Variants in WWP1 observed in about 807,000 individuals in gnomAD.
WWP1 encodes the protein WW domain containing E3 ubiquitin protein ligase 1, also known as NEDD4-like E3 ubiquitin-protein ligase WWP1.
A neutral mutation model predicts 130.6 loss-of-function variants in WWP1; 49 were observed. That is an observed-to-expected ratio of 0.38 (90% CI 0.30 to 0.48). The LOEUF is 0.48. Among genes scored for constraint, WWP1 ranks in the 20% least tolerant of loss-of-function variants. WWP1 has a pLI of 0.99. For missense variants in WWP1, 809 were observed against 1,100.6 expected (o/e 0.74, Z 3.75); for synonymous variants, 332 against 367.8 (o/e 0.90, Z 1.11).
chr8:86,452,808 T>C, intron 21 of WWP1, 129 bp downstream of exon 21: 1 of 1,188,330 alleles, frequency 8.4e-7, no homozygotes. Flanking sequence ...TCATTTGTCC[T>C]GATGTCAAGG....
In WWP1 at chr8:86,437,111, T is replaced by G. The variant is rs562455491; in HGVS notation, c.1749+1407T>G. 2.9e-4 allele frequency among the ~76,000 whole-genome samples: 44 copies of G among 152,338 alleles called. No homozygotes were observed. In the East Asian group the frequency reaches 7.9e-3, roughly 27 times the overall value. On this transcript the variant is annotated intron_variant, in intron 16 of 24. Transcript: ENST00000517970. ...GGGAAGAATCATGGTCTATTTGATG[T>G]ATAGCACTGAGCCCACGACTGCCTC...
intron 12 of WWP1, among the ~76,000 whole-genome samples, chr8:86,431,141 AATTATAT>A (rs1229415440): frequency 5.9e-5 from 7 of 118,262 alleles, no homozygotes; most frequent in Non-Finnish European, 7.2e-5. Flanking sequence ...TATATTAAAG[AATTATAT>A]ATTATAGAAT....
At chr8:86,346,411 A>G (rs998026993) in intron 1 of WWP1, among the ~76,000 whole-genome samples, 3 of 152,166 alleles carry the variant, frequency 2.0e-5, no homozygotes, top group Admixed American at 1.3e-4. Flanking sequence ...CAACAGAGCG[A>G]GACTCTGTCT....
intron 8 of WWP1, among the ~76,000 whole-genome samples, chr8:86,408,753 A>G (rs1431890658): frequency 6.6e-6 from 1 of 152,062 alleles, no homozygotes; most frequent in East Asian, 1.9e-4. Flanking sequence ...CTAAAAATGC[A>G]AAAAAATTTA....
intron 17 of WWP1, among the ~76,000 whole-genome samples, chr8:86,441,289 A>C (rs1810579192): frequency 6.6e-6 from 1 of 152,216 alleles, no homozygotes; most frequent in South Asian, 2.1e-4. Flanking sequence ...GAGGGAAGTC[A>C]CTTGGTTCAA....
intron 14 of WWP1, among the ~76,000 whole-genome samples, chr8:86,435,182 C>G (rs543987734): frequency 1.3e-5 from 2 of 152,284 alleles, no homozygotes; most frequent in South Asian, 4.1e-4. Flanking sequence ...TTGAAATAGT[C>G]TGTAGTAGAC....
chr8:86,462,619 C>T (rs975060492), intron 24 of WWP1, among the ~76,000 whole-genome samples: 1 of 152,136 alleles, frequency 6.6e-6, no homozygotes, highest in African/African-American at 2.4e-5. Context: ...GATTTGGATG[C>T]AAGGGTGAAT....
intron 8 of WWP1, among the ~76,000 whole-genome samples, chr8:86,410,976 C>G (rs926575328): frequency 5.3e-5 from 8 of 152,112 alleles, no homozygotes; most frequent in Non-Finnish European, 1.0e-4. Flanking sequence ...CGTAGTCGAA[C>G]TAGATCAATC....
chr8:86,375,753 T>G, intron 3 of WWP1, among the ~76,000 whole-genome samples: 1 of 152,228 alleles, frequency 6.6e-6, no homozygotes, highest in South Asian at 2.1e-4. Flanking sequence ...TCGTTTCTTA[T>G]GTCTGCTCAT....
chr8:86,408,900 ACT>A (rs1389876533), intron 8 of WWP1, among the ~76,000 whole-genome samples: 1 of 151,326 alleles, frequency 6.6e-6, no homozygotes, highest in South Asian at 2.1e-4. Flanking sequence ...ACAGAGCAAG[ACT>A]CTGTCTCAAA....
At chr8:86,370,465 G>A (rs1246867619) in intron 2 of WWP1, among the ~76,000 whole-genome samples, 1 of 152,098 alleles carries the variant, frequency 6.6e-6, no homozygotes, top group African/African-American at 2.4e-5. Context: ...AGTACTCCTT[G>A]GAAGACTGAC....
chr8:86,344,252 A>G (rs1238132755), intron 1 of WWP1, among the ~76,000 whole-genome samples: 1 of 152,228 alleles, frequency 6.6e-6, no homozygotes, highest in African/African-American at 2.4e-5. Flanking sequence ...TAGCTTATCA[A>G]CATTTTCAGA....
intron 21 of WWP1, among the ~76,000 whole-genome samples, chr8:86,453,853 G>A (rs1345911467): frequency 6.6e-6 from 1 of 152,050 alleles, no homozygotes; most frequent in Non-Finnish European, 1.5e-5. Flanking sequence ...TATAAGTTAG[G>A]ACATAGGCTG....
intron 1 of WWP1, among the ~76,000 whole-genome samples, chr8:86,363,788 C>G (rs565696106): frequency 1.4e-5 from 2 of 140,498 alleles, no homozygotes; most frequent in East Asian, 2.0e-4. Flanking sequence ...GAGTGAGACT[C>G]CATCTCAAAA....
intron 7 of WWP1, among the ~76,000 whole-genome samples, chr8:86,401,048 G>A (rs1022642947): frequency 5.3e-5 from 8 of 149,712 alleles, no homozygotes; most frequent in East Asian, 1.9e-4. Context: ...TCACCAAATC[G>A]CCCAGCTCCT....
intron 20 of WWP1, among the ~76,000 whole-genome samples, chr8:86,451,214 TAAAAAAAAAAAA>T (rs61141803): frequency 5.7e-4 from 25 of 43,676 alleles, no homozygotes; most frequent in Middle Eastern, 0.019. Flanking sequence ...CCTATGTTAT[TAAAAAAAAAAAA>T]AAAAAAAAAA....
At chr8:86,447,544 G>A (rs952486956) in intron 18 of WWP1, among the ~76,000 whole-genome samples, 17 of 152,200 alleles carry the variant, frequency 1.1e-4, no homozygotes, top group Non-Finnish European at 1.5e-5. Context: ...GGGATTACAA[G>A]TGTGAGCCAC....
chr8:86,355,382 A>G (rs540080153), intron 1 of WWP1, among the ~76,000 whole-genome samples: 1 of 152,154 alleles, frequency 6.6e-6, no homozygotes, highest in South Asian at 2.1e-4. Flanking sequence ...CAGCTCCATG[A>G]CTCTGCTTTG....
At chr8:86,419,628 A>G (rs899070613) in intron 9 of WWP1, among the ~76,000 whole-genome samples, 1 of 152,232 alleles carries the variant, frequency 6.6e-6, no homozygotes, top group African/African-American at 2.4e-5. Context: ...CAGTCTGATA[A>G]GAAAAGTTCT....
Sources: gnomAD v4.1 joint callset for allele counts (sites outside exome capture counted in the v4.1 genomes callset) on GRCh38, gnomAD v4.1.1 for gene constraint, MANE v1.5 for transcripts, NCBI Gene and HGNC (gene_info 2026-07-23, HGNC 2026-07-21) for gene names.